XIRP2: variants seen among roughly 807,000 people sequenced by gnomAD.
The protein encoded by XIRP2 is xin actin binding repeat containing 2.
A neutral mutation model predicts 277.0 loss-of-function variants in XIRP2; 236 were observed. That is an observed-to-expected ratio of 0.85 (90% CI 0.77 to 0.95). The LOEUF is 0.95. XIRP2 is among the 40% of genes least tolerant of loss of function. The pLI is 0.00. For synonymous variants in XIRP2, 1,490 were observed against 1,416.5 expected (o/e 1.05, Z -1.17); for missense variants, 4,640 against 4,157.5 (o/e 1.12, Z -3.19).
rs541991247 is a variant in XIRP2 at position 167,174,307 on chromosome 2, A to T, written c.563-36428A>T. 1.2e-4 allele frequency among the ~76,000 whole-genome samples: 18 copies of T among 152,248 alleles called. No individual in the cohort carries two copies. The South Asian group carries it at 3.1e-3, about 26-fold the overall frequency. On this transcript the variant is annotated intron_variant, in intron 3 of 10. Coordinates refer to ENST00000409195, the MANE Select transcript of XIRP2 (RefSeq NM_152381.6). ...CAATTTCAGAGCCTGTTATTGGTCTATTCAGGGATTCAACTTCTTCCTGGT... is the reference window on the plus strand; with the variant it reads ...CAATTTCAGAGCCTGTTATTGGTCTTTTCAGGGATTCAACTTCTTCCTGGT...
chr2:167,086,775 C>G (rs935692638), intron 2 of XIRP2, among the ~76,000 whole-genome samples: 7 of 148,960 alleles, frequency 4.7e-5, no homozygotes, highest in African/African-American at 1.7e-4. Context: ...AGTTCTCAAG[C>G]CTTGGTTTTC....
intron 3 of XIRP2, among the ~76,000 whole-genome samples, chr2:167,184,900 A>G (rs1693113856): frequency 1.3e-5 from 2 of 152,068 alleles, no homozygotes; most frequent in South Asian, 2.1e-4. Flanking sequence ...AAAATTTTCA[A>G]TTTGAATGTA....
At chr2:167,181,963 C>A (rs11510363) in intron 3 of XIRP2, among the ~76,000 whole-genome samples, 14,996 of 152,084 alleles carry the variant, frequency 0.099, 791 homozygotes, top group South Asian at 0.15. Context: ...CTTCACTCCC[C>A]AAAGCCCCCT....
chr2:167,208,768 ACTT>A (rs1373122641), intron 3 of XIRP2, among the ~76,000 whole-genome samples: 1 of 152,220 alleles, frequency 6.6e-6, no homozygotes, highest in Non-Finnish European at 1.5e-5. Flanking sequence ...AAAAGCCTGA[ACTT>A]CTATTAAGAT....
intron 2 of XIRP2, among the ~76,000 whole-genome samples, chr2:167,070,366 G>A (rs1275336809): frequency 6.6e-6 from 1 of 152,040 alleles, no homozygotes; most frequent in Admixed American, 6.5e-5. Context: ...ACAATGCCCA[G>A]TTCCAGATAA....
chr2:167,035,434 T>C (rs1191325162), intron 2 of XIRP2, among the ~76,000 whole-genome samples: 4 of 152,180 alleles, frequency 2.6e-5, no homozygotes, highest in Admixed American at 6.5e-5. Context: ...GAAAGGTGAC[T>C]CTTGTTATGT....
At chr2:167,006,157 T>C (rs897268615) in intron 2 of XIRP2, among the ~76,000 whole-genome samples, 5 of 151,728 alleles carry the variant, frequency 3.3e-5, no homozygotes, top group Non-Finnish European at 7.4e-5. Context: ...AATAAGTGGA[T>C]TAAAATGAGG....
intron 2 of XIRP2, among the ~76,000 whole-genome samples, chr2:167,004,032 T>C (rs905900323): frequency 6.6e-6 from 1 of 151,934 alleles, no homozygotes; most frequent in Non-Finnish European, 1.5e-5. Context: ...TGTCATTTCA[T>C]TTTAATAAAG....
intron 2 of XIRP2, among the ~76,000 whole-genome samples, chr2:167,068,098 CT>C (rs1689343451): frequency 6.6e-6 from 1 of 152,062 alleles, no homozygotes; most frequent in Admixed American, 6.6e-5. Flanking sequence ...CATTTTCCAC[CT>C]TTTTTATTTG....
chr2:167,069,071 T>G (rs1431451798), intron 2 of XIRP2, among the ~76,000 whole-genome samples: 4 of 152,186 alleles, frequency 2.6e-5, no homozygotes, highest in African/African-American at 9.7e-5. Flanking sequence ...GCTCAAGTCC[T>G]TTATATAAAA....
At chr2:167,187,439 T>C (rs1693190437) in intron 3 of XIRP2, 7 of 985,240 alleles carry the variant, frequency 7.1e-6, no homozygotes, top group Non-Finnish European at 8.4e-6. Context: ...AAATTGGCTG[T>C]ACATGAAACA....
intron 2 of XIRP2, 96 bp from the exon 3 acceptor site, chr2:167,135,813 C>T (rs1308606367): frequency 8.4e-7 from 1 of 1,194,600 alleles, no homozygotes; most frequent in Non-Finnish European, 1.1e-6. Flanking sequence ...ACAGAAATCC[C>T]TCCCTCTTTC....
chr2:167,000,231 C>T (rs1687328026), intron 2 of XIRP2, among the ~76,000 whole-genome samples: 2 of 152,218 alleles, frequency 1.3e-5, no homozygotes, highest in South Asian at 4.1e-4. Context: ...TGTTGTCTTT[C>T]TCAGAAAAAT....
chr2:167,094,088 T>C (rs1480719462), intron 2 of XIRP2, among the ~76,000 whole-genome samples: 1 of 152,264 alleles, frequency 6.6e-6, no homozygotes, highest in Non-Finnish European at 1.5e-5. Context: ...CTTTTTTTCA[T>C]ATATGTGTTG....
Position 167,243,144 on chromosome 2 carries a change from A to G in XIRP2, c.1752A>G (p.Gln584=), listed in dbSNP as rs368972228. The G allele has an allele frequency of 2.9e-4, 468 of 1,614,026 alleles. No individual in the cohort carries two copies. Among genetic ancestry groups the G allele is most frequent in the Non-Finnish European group, 3.6e-4 (426 of 1,180,000 alleles). The part of the protein sequence containing the change: ...VQSIRWIFEN[Q]PLDSINNGSP... Reference sequence around the variant, plus strand: ...CCATTAGATGGATCTTTGAGAATCAACCATTGGATTCCATCAACAATGGCT... The same window carrying G: ...CCATTAGATGGATCTTTGAGAATCAGCCATTGGATTCCATCAACAATGGCT... The change falls in exon 9 of 11, where the codon CAA becomes CAG. Residue 584 remains glutamine, a synonymous_variant. Coordinates refer to ENST00000409195, the MANE Select transcript of XIRP2 (RefSeq NM_152381.6).
chr2:166,918,380 G>C (rs1005632777), intron 2 of XIRP2, among the ~76,000 whole-genome samples: 1 of 151,914 alleles, frequency 6.6e-6, no homozygotes, highest in Non-Finnish European at 1.5e-5. Context: ...CCTTCTAAAG[G>C]TAATGTTTTC....
chr2:167,086,177 T>G (rs1449300727), intron 2 of XIRP2, among the ~76,000 whole-genome samples: 1 of 152,140 alleles, frequency 6.6e-6, no homozygotes, highest in African/African-American at 2.4e-5. Flanking sequence ...GTCTGTAAAG[T>G]ATTTTATTTC....
At chr2:167,030,866 G>T (rs1316959900) in intron 2 of XIRP2, among the ~76,000 whole-genome samples, 1 of 152,022 alleles carries the variant, frequency 6.6e-6, no homozygotes, top group Non-Finnish European at 1.5e-5. Flanking sequence ...TTATGAATCT[G>T]GGTGTTCCTG....
chr2:166,975,930 C>CAAAAAAAAAAAAAAAAAAAA (rs550529718), intron 2 of XIRP2, among the ~76,000 whole-genome samples: 2 of 45,710 alleles, frequency 4.4e-5, no homozygotes, highest in Non-Finnish European at 8.4e-5. Flanking sequence ...GACTCCGTCT[C>CAAAAAAAAAAAAAAAAAAAA]AAAAAAAAAA....
Sources: gnomAD v4.1 joint callset for allele counts (sites outside exome capture counted in the v4.1 genomes callset) on GRCh38, gnomAD v4.1.1 for gene constraint, MANE v1.5 for transcripts, NCBI Gene and HGNC (gene_info 2026-07-23, HGNC 2026-07-21) for gene names.